The following C16orf74 variants were observed in gnomAD, a reference collection of about 807,000 sequenced individuals.
C16orf74 encodes the protein calcimembrin.
In C16orf74, 10 loss-of-function variants were observed where a neutral mutation model predicts 6.5. The ratio of observed to expected loss-of-function variants is 1.54; its 90% CI spans 0.95 to 2.61. The LOEUF is 2.61. Among genes scored for constraint, C16orf74 ranks in the 30% most tolerant of loss-of-function variants. The pLI is 0.00. For missense variants in C16orf74, 141 were observed against 105.9 expected, an observed-to-expected ratio of 1.33 and a Z score of -1.45; for synonymous variants, 60 against 42.5, an observed-to-expected ratio of 1.41 and a Z score of -1.60.
intron 3 of C16orf74, among the ~76,000 whole-genome samples, chr16:85,709,547 G>A (rs2152057203): frequency 6.6e-6 from 1 of 151,102 alleles, no homozygotes; most frequent in East Asian, 1.9e-4. Flanking sequence ...AGCAGCCTCA[G>A]CACCCGGCAT....
intron 1 of C16orf74, among the ~76,000 whole-genome samples, chr16:85,740,541 A>T (rs1328799908): frequency 6.6e-6 from 1 of 152,030 alleles, no homozygotes; most frequent in Non-Finnish European, 1.5e-5. Flanking sequence ...TCTCTACTAA[A>T]AATATAAAAA....
intron 2 of C16orf74, among the ~76,000 whole-genome samples, chr16:85,732,802 C>G (rs980648978): frequency 2.0e-5 from 3 of 152,000 alleles, no homozygotes; most frequent in Non-Finnish European, 4.4e-5. Flanking sequence ...CCGGCAGCAC[C>G]AAAGCCAGCC....
intron 1 of C16orf74, among the ~76,000 whole-genome samples, chr16:85,735,605 T>G (rs1050893174): frequency 6.6e-6 from 1 of 151,902 alleles, no homozygotes; most frequent in Non-Finnish European, 1.5e-5. Context: ...CGGCCGCAGC[T>G]GCAGAGATGT....
chr16:85,711,666 C>T (rs901579861), intron 2 of C16orf74, among the ~76,000 whole-genome samples: 1 of 151,722 alleles, frequency 6.6e-6, no homozygotes, highest in Admixed American at 6.6e-5. Flanking sequence ...ACCAAAAACC[C>T]TTCAGGCAGC....
intron 1 of C16orf74, among the ~76,000 whole-genome samples, chr16:85,740,521 T>C (rs191760254): frequency 1.3e-5 from 2 of 151,728 alleles, no homozygotes; most frequent in East Asian, 3.9e-4. Flanking sequence ...GCTATCACGG[T>C]GAAACCCCGT....
chr16:85,711,460 C>A (rs1376080204), intron 2 of C16orf74, among the ~76,000 whole-genome samples: 35 of 143,840 alleles, frequency 2.4e-4, no homozygotes, highest in Admixed American at 1.1e-3. Context: ...ACTGAAAATA[C>A]AAAAAAAAAA....
chr16:85,708,096 T>C (rs1039377773), intron 3 of C16orf74, 30 bp from the exon 4 acceptor site: 1 of 1,536,112 alleles, frequency 6.5e-7, no homozygotes, highest in African/African-American at 1.4e-5. Flanking sequence ...GACACCTGGA[T>C]GCACCCTGCC....
intron 1 of C16orf74, among the ~76,000 whole-genome samples, chr16:85,744,723 G>A (rs919338347): frequency 2.0e-5 from 3 of 151,724 alleles, no homozygotes; most frequent in Admixed American, 2.0e-4. Context: ...TCAGCTACTT[G>A]GGAGGCTGAG....
chr16:85,718,364 C>T (rs1053633370), intron 2 of C16orf74, among the ~76,000 whole-genome samples: 2 of 152,232 alleles, frequency 1.3e-5, no homozygotes, highest in African/African-American at 4.8e-5. Context: ...CCCCATACGG[C>T]CTGATTCTTT....
chr16:85,709,553 G>A lies in C16orf74; in HGVS notation c.172+611C>T, dbSNP rs139046480. The stretch of plus-strand genomic sequence containing the variant: ...ATTCATAGCAGCAGCCTCAGCACCC[G>A]GCATAGGCCCAGCTCAGTAAATCTC... On this transcript the variant is annotated intron_variant, in intron 3 of 3. Coordinates refer to ENST00000284245, the MANE Select transcript of C16orf74 (RefSeq NM_206967.3). Among the ~76,000 whole-genome samples, 1,478 of 151,540 alleles carry A rather than the reference G, an allele frequency of 9.8e-3. 23 individuals are homozygous for A. The highest frequency in any genetic ancestry group is 0.034 in the African/African-American group (1,391 of 41,188).
chr16:85,712,093 G>A (rs1023751286), intron 2 of C16orf74, among the ~76,000 whole-genome samples: 2 of 152,186 alleles, frequency 1.3e-5, no homozygotes, highest in African/African-American at 4.8e-5. Context: ...CATGTTACGA[G>A]GATGCTCAAG....
At chr16:85,719,574 T>TG (rs2054058678) in intron 2 of C16orf74, among the ~76,000 whole-genome samples, 2 of 152,174 alleles carry the variant, frequency 1.3e-5, no homozygotes, top group South Asian at 4.2e-4. Flanking sequence ...GCCTGTGATC[T>TG]GGGGGCTGGA....
rs185391509 is a variant in C16orf74 at position 85,740,225 on chromosome 16, A to G, written c.-18-4990T>C. ...AGACTTTGTCTCAAAAAAAAAAAAA[A>G]AAAAAGAAAAAGAAATGGTCCTTGC... On this transcript the variant is annotated intron_variant, in intron 1 of 3. Transcript: ENST00000284245. Among the ~76,000 whole-genome samples, 84 of 149,888 alleles carry G rather than the reference A, an allele frequency of 5.6e-4. 3 individuals are homozygous for G. The highest frequency in any genetic ancestry group is 8.4e-4 in the African/African-American group (34 of 40,472).
At chr16:85,726,699 T>G (rs2054136695) in intron 2 of C16orf74, among the ~76,000 whole-genome samples, 1 of 152,128 alleles carries the variant, frequency 6.6e-6, no homozygotes, top group Admixed American at 6.6e-5. Flanking sequence ...ACTGCTGAAA[T>G]GTATTAGTGG....
intron 1 of C16orf74, 99 bp downstream of exon 1, chr16:85,750,827 G>C (rs1455063319): frequency 3.9e-5 from 6 of 152,108 alleles, no homozygotes; most frequent in Non-Finnish European, 7.4e-5. Flanking sequence ...AGCGGCTAGA[G>C]CTTGCGAGGC....
intron 2 of C16orf74, among the ~76,000 whole-genome samples, chr16:85,722,897 C>G (rs1159574745): frequency 1.3e-5 from 2 of 152,202 alleles, no homozygotes; most frequent in African/African-American, 4.8e-5. Context: ...ATGATCTAAA[C>G]AGCCCCTGGT....
At chr16:85,713,082 C>G (rs1339462605) in intron 2 of C16orf74, among the ~76,000 whole-genome samples, 1 of 152,152 alleles carries the variant, frequency 6.6e-6, no homozygotes, top group African/African-American at 2.4e-5. Flanking sequence ...ATCTGGAGGC[C>G]AGAAGTTCCA....
intron 2 of C16orf74, among the ~76,000 whole-genome samples, chr16:85,720,421 T>A (rs975791386): frequency 2.0e-5 from 3 of 152,038 alleles, no homozygotes; most frequent in African/African-American, 7.2e-5. Flanking sequence ...CACTGGGCGC[T>A]CTGGGAAGGC....
At chr16:85,713,835 G>A (rs2152058168) in intron 2 of C16orf74, among the ~76,000 whole-genome samples, 1 of 152,302 alleles carries the variant, frequency 6.6e-6, no homozygotes, top group Middle Eastern at 3.4e-3. Flanking sequence ...AGGAGTTGGT[G>A]CTGTCCATGG....
Sources: allele counts gnomAD v4.1 joint callset (sites outside exome capture counted in the v4.1 genomes callset), GRCh38; gene constraint gnomAD v4.1.1; transcripts MANE v1.5; gene names NCBI Gene and HGNC (gene_info 2026-07-23, HGNC 2026-07-21).